The following ZMAT4 variants were observed in gnomAD, a reference collection of about 807,000 sequenced individuals.
ZMAT4 encodes the protein zinc finger matrin-type protein 4.
Under a neutral mutation model 28.7 loss-of-function variants are expected in ZMAT4, and 17 were observed. The observed-to-expected ratio is 0.59, with a 90% CI of 0.41 to 0.89. ZMAT4 has a LOEUF of 0.89. ZMAT4 is among the 40% of genes least tolerant of loss of function. ZMAT4 has a pLI of 0.00. For missense variants in ZMAT4, 240 were observed against 283.8 expected, an observed-to-expected ratio of 0.85 and a Z score of 1.11; for synonymous variants, 117 against 109.2, an observed-to-expected ratio of 1.07 and a Z score of -0.44.
chr8:40,600,255 C>T (rs965582418), intron 5 of ZMAT4, among the ~76,000 whole-genome samples: 2 of 152,198 alleles, frequency 1.3e-5, no homozygotes, highest in African/African-American at 4.8e-5. Flanking sequence ...ATATCCCAAT[C>T]TGCAACTTCT....
chr8:40,562,249 G>C (rs1036733318), intron 6 of ZMAT4, among the ~76,000 whole-genome samples: 1 of 151,990 alleles, frequency 6.6e-6, no homozygotes, highest in Non-Finnish European at 1.5e-5. Context: ...CTCACTCCCG[G>C]CCAGATTCTG....
At chr8:40,757,807 G>T (rs763441397) in intron 3 of ZMAT4, among the ~76,000 whole-genome samples, 7 of 152,096 alleles carry the variant, frequency 4.6e-5, no homozygotes, top group Non-Finnish European at 5.9e-5. Flanking sequence ...TGCCAAAGGA[G>T]GTTAACATTT....
intron 1 of ZMAT4, among the ~76,000 whole-genome samples, chr8:40,874,299 C>T (rs1439923596): frequency 1.3e-5 from 2 of 152,230 alleles, no homozygotes; most frequent in Non-Finnish European, 2.9e-5. Context: ...GAGATCAGCA[C>T]TGGGCATTCT....
At chr8:40,664,432 C>G (rs1808320726) in intron 5 of ZMAT4, among the ~76,000 whole-genome samples, 1 of 152,146 alleles carries the variant, frequency 6.6e-6, no homozygotes, top group Non-Finnish European at 1.5e-5. Flanking sequence ...ACCATAAAAC[C>G]AGGTTGCCAC....
intron 3 of ZMAT4, among the ~76,000 whole-genome samples, chr8:40,702,296 T>C (rs535387640): frequency 8.5e-5 from 13 of 152,322 alleles, no homozygotes; most frequent in African/African-American, 3.1e-4. Flanking sequence ...AAGGTTGATA[T>C]ATAGCCCGGG....
intron 3 of ZMAT4, among the ~76,000 whole-genome samples, chr8:40,704,914 G>GTGTC (rs1204545417): frequency 6.6e-6 from 1 of 152,214 alleles, no homozygotes. Context: ...TACAAAGGAT[G>GTGTC]TGTCCTATGG....
Position 40,738,864 on chromosome 8 carries a change from G to A in ZMAT4, c.192+28777C>T, listed in dbSNP as rs111286992. On this transcript the variant is annotated intron_variant, in intron 3 of 6. Coordinates refer to ENST00000297737, the MANE Select transcript of ZMAT4 (RefSeq NM_024645.3). Reference sequence around the variant, plus strand: ...ATATGAAAAGAAAATCACAAAAATTGCTATTGCTAAATGTTTAATTAAATG... The same window carrying A: ...ATATGAAAAGAAAATCACAAAAATTACTATTGCTAAATGTTTAATTAAATG... Among the ~76,000 whole-genome samples, 1,443 of 152,258 alleles carry A rather than the reference G, an allele frequency of 9.5e-3. 23 individuals carry two copies. The highest frequency in any genetic ancestry group is 0.034 in the African/African-American group (1,394 of 41,550).
At chr8:40,632,729 T>A (rs532566513) in intron 5 of ZMAT4, among the ~76,000 whole-genome samples, 92 of 152,304 alleles carry the variant, frequency 6.0e-4, no homozygotes, top group South Asian at 1.7e-3. Context: ...CCCTACAAAC[T>A]GTGAGATAAT....
At chr8:40,752,789 A>T (rs1812509561) in intron 3 of ZMAT4, among the ~76,000 whole-genome samples, 2 of 152,060 alleles carry the variant, frequency 1.3e-5, no homozygotes, top group Admixed American at 1.3e-4. Flanking sequence ...AGCTCCCCTC[A>T]GCTCTTCTTA....
At chr8:40,723,223 T>C (rs563681068) in intron 3 of ZMAT4, among the ~76,000 whole-genome samples, 1 of 152,238 alleles carries the variant, frequency 6.6e-6, no homozygotes, top group Admixed American at 6.5e-5. Flanking sequence ...GCCCAAAATA[T>C]ACCTTCTAAT....
At chr8:40,658,790 C>T (rs1258597975) in intron 5 of ZMAT4, among the ~76,000 whole-genome samples, 1 of 152,080 alleles carries the variant, frequency 6.6e-6, no homozygotes, top group African/African-American at 2.4e-5. Context: ...TATATTCCAG[C>T]CAGCCAGCTT....
At chr8:40,676,077 C>G (rs1808894964) in intron 4 of ZMAT4, among the ~76,000 whole-genome samples, 1 of 152,148 alleles carries the variant, frequency 6.6e-6, no homozygotes. Context: ...TTGCTTCCAT[C>G]CTTACAAGGA....
intron 2 of ZMAT4, among the ~76,000 whole-genome samples, chr8:40,785,866 C>T (rs1272256931): frequency 6.6e-6 from 1 of 152,108 alleles, no homozygotes; most frequent in East Asian, 1.9e-4. Context: ...AAGCCTGGCC[C>T]ACTTTTTTTT....
intron 2 of ZMAT4, among the ~76,000 whole-genome samples, chr8:40,803,025 C>T (rs1443212906): frequency 5.9e-5 from 9 of 152,086 alleles, no homozygotes; most frequent in African/African-American, 2.2e-4. Context: ...ACATACACAA[C>T]AAAAATGAAT....
At chr8:40,682,189 T>G (rs182623513) in intron 4 of ZMAT4, among the ~76,000 whole-genome samples, 118 of 152,336 alleles carry the variant, frequency 7.7e-4, no homozygotes, top group Middle Eastern at 6.8e-3. Flanking sequence ...ATTTTACCAT[T>G]TATATATAGG....
chr8:40,894,127 A>G (rs997704688), intron 1 of ZMAT4, among the ~76,000 whole-genome samples: 2 of 152,240 alleles, frequency 1.3e-5, no homozygotes, highest in Non-Finnish European at 2.9e-5. Flanking sequence ...GGGCTGCAGC[A>G]GGCGCAGGCC....
intron 6 of ZMAT4, among the ~76,000 whole-genome samples, chr8:40,554,360 A>G (rs982297921): frequency 6.6e-6 from 1 of 150,804 alleles, no homozygotes; most frequent in Non-Finnish European, 1.5e-5. Context: ...TTAATTAACT[A>G]AGTTAATTAG....
intron 5 of ZMAT4, among the ~76,000 whole-genome samples, chr8:40,653,785 A>G (rs1352206864): frequency 6.6e-6 from 1 of 152,202 alleles, no homozygotes; most frequent in Non-Finnish European, 1.5e-5. Context: ...AATATTTCAT[A>G]CAAAAAAAGA....
At chr8:40,573,078 C>A (rs1804149588) in intron 6 of ZMAT4, among the ~76,000 whole-genome samples, 1 of 152,168 alleles carries the variant, frequency 6.6e-6, no homozygotes, top group African/African-American at 2.4e-5. Flanking sequence ...TTAGTACTTT[C>A]AGAACAATAA....
Sources: allele counts gnomAD v4.1 joint callset (sites outside exome capture counted in the v4.1 genomes callset), GRCh38; gene constraint gnomAD v4.1.1; transcripts MANE v1.5; gene names NCBI Gene and HGNC (gene_info 2026-07-23, HGNC 2026-07-21).